LMX1A: variants seen among roughly 807,000 people sequenced by gnomAD.
LMX1A encodes LIM homeobox transcription factor 1-alpha.
A neutral mutation model predicts 49.1 loss-of-function variants in LMX1A; 15 were observed. The observed-to-expected ratio is 0.31, with a 90% CI of 0.20 to 0.47. The LOEUF is 0.47. Among genes scored for constraint, LMX1A ranks in the 20% least tolerant of loss-of-function variants. The pLI, the probability that LMX1A is intolerant of heterozygous loss-of-function variation, is 1.00. For missense variants in LMX1A, 372 were observed against 475.8 expected (o/e 0.78, Z 2.03); for synonymous variants, 167 against 185.7 (o/e 0.90, Z 0.82).
At position 165,203,923 on chromosome 1, in the gene LMX1A, A is replaced by G. The variant is rs763320093; in HGVS notation, c.1106T>C (p.Ile369Thr). The G allele has an allele frequency of 1.2e-5, 19 of 1,614,046 alleles. No individual in the cohort carries two copies. The highest frequency in any genetic ancestry group is 1.4e-5 in the Non-Finnish European group (17 of 1,180,032). ...ATTCTGCATGGAGTACAGATGGTCA[A>G]TGGGGTTTCCCACTCTGGACTGCAG... ...GPLQSRVGNP[I>T]DHLYSMQNSY... The change falls in exon 9 of 9, where the codon ATT becomes ACT. Residue 369 changes from isoleucine to threonine, a missense_variant. Physicochemically the swap from Ile to Thr is moderately conservative, Grantham distance 89. Coordinates refer to ENST00000342310, the MANE Select transcript of LMX1A (RefSeq NM_177398.4).
chr1:165,286,034 G>A (rs893945693), intron 3 of LMX1A, among the ~76,000 whole-genome samples: 18 of 152,214 alleles, frequency 1.2e-4, no homozygotes, highest in African/African-American at 4.3e-4. Flanking sequence ...CCCCTGAGTG[G>A]TTGCTGTACA....
At chr1:165,246,857 G>T (rs542642081) in intron 4 of LMX1A, among the ~76,000 whole-genome samples, 88 of 152,182 alleles carry the variant, frequency 5.8e-4, no homozygotes, top group African/African-American at 2.0e-3. Context: ...AAGCACTCAA[G>T]ATATGTCAAC....
chr1:165,230,197 G>T (rs1223071635), intron 4 of LMX1A, among the ~76,000 whole-genome samples: 1 of 152,208 alleles, frequency 6.6e-6, no homozygotes, highest in Non-Finnish European at 1.5e-5. Context: ...ATAAATTTCA[G>T]TTGTTTATAA....
At chr1:165,275,951 G>T (rs1169354646) in intron 3 of LMX1A, among the ~76,000 whole-genome samples, 1 of 151,496 alleles carries the variant, frequency 6.6e-6, no homozygotes, top group Non-Finnish European at 1.5e-5. Context: ...CTGGGGCTAG[G>T]CAAGGAGATG....
intron 5 of LMX1A, 62 bp downstream of exon 5, chr1:165,213,579 G>A: frequency 6.9e-7 from 1 of 1,442,780 alleles, no homozygotes; most frequent in Non-Finnish European, 9.5e-7. Flanking sequence ...GATCCCAGAG[G>A]GGTCTGAGTG....
intron 4 of LMX1A, among the ~76,000 whole-genome samples, chr1:165,233,007 T>C (rs1419529896): frequency 6.6e-6 from 1 of 152,184 alleles, no homozygotes; most frequent in East Asian, 1.9e-4. Context: ...TACTTATGTA[T>C]ATAATGAATT....
intron 3 of LMX1A, among the ~76,000 whole-genome samples, chr1:165,268,851 A>G (rs746022835): frequency 1.5e-4 from 23 of 152,252 alleles, no homozygotes; most frequent in Admixed American, 5.2e-4. Context: ...TGTGCTTCAC[A>G]TTGTTATGAA....
At chr1:165,281,746 A>ATGTGTG (rs56913866) in intron 3 of LMX1A, among the ~76,000 whole-genome samples, 4,692 of 125,914 alleles carry the variant, frequency 0.037, 85 homozygotes, top group African/African-American at 0.061. Context: ...GTGTGTGTGT[A>ATGTGTG]TGTGTGTGTG....
At chr1:165,234,153 C>T (rs907324385) in intron 4 of LMX1A, among the ~76,000 whole-genome samples, 1 of 152,206 alleles carries the variant, frequency 6.6e-6, no homozygotes, top group African/African-American at 2.4e-5. Context: ...TACTCTCACT[C>T]ACACCAGGAT....
chr1:165,223,810 A>T (rs1571158678), intron 4 of LMX1A, among the ~76,000 whole-genome samples: 2 of 55,456 alleles, frequency 3.6e-5, no homozygotes, highest in Admixed American at 1.5e-4. Context: ...TACAAACTTT[A>T]AAAAAAAAAA....
At chr1:165,288,693 T>C (rs935194541) in intron 3 of LMX1A, among the ~76,000 whole-genome samples, 1 of 152,230 alleles carries the variant, frequency 6.6e-6, no homozygotes, top group Admixed American at 6.5e-5. Flanking sequence ...ACACCGTGTG[T>C]GTGTGCGTGT....
intron 3 of LMX1A, among the ~76,000 whole-genome samples, chr1:165,350,515 A>AC (rs1476334295): frequency 2.7e-5 from 4 of 150,796 alleles, no homozygotes; most frequent in Non-Finnish European, 5.9e-5. Context: ...AGCTTACTGA[A>AC]TAAAGAAGTT....
chr1:165,243,170 C>G (rs1430267167), intron 4 of LMX1A, among the ~76,000 whole-genome samples: 1 of 152,062 alleles, frequency 6.6e-6, no homozygotes, highest in Non-Finnish European at 1.5e-5. Flanking sequence ...AAACTTCTGT[C>G]CTATTTTGCA....
intron 3 of LMX1A, among the ~76,000 whole-genome samples, chr1:165,273,388 C>T (rs1653864485): frequency 6.6e-6 from 1 of 152,170 alleles, no homozygotes; most frequent in Non-Finnish European, 1.5e-5. Flanking sequence ...TCCCAAGACA[C>T]ACAATCTGCA....
Position 165,226,735 on chromosome 1 carries a change from G to C in LMX1A, c.497-12922C>G, listed in dbSNP as rs11803742. 8.1e-3 allele frequency among the ~76,000 whole-genome samples: 1,235 copies of C among 152,322 alleles called. 12 individuals are homozygous for C. The highest frequency in any genetic ancestry group is 0.014 in the Non-Finnish European group (925 of 68,016). ...CTCTATATAAGGGATGTGCATCTGA[G>C]AAGTTGTACATAGACCAAACTTCTG... On this transcript the variant is annotated intron_variant, in intron 4 of 8. Coordinates refer to ENST00000342310, the MANE Select transcript of LMX1A (RefSeq NM_177398.4).
chr1:165,234,575 G>A (rs1427357703), intron 4 of LMX1A, among the ~76,000 whole-genome samples: 1 of 152,160 alleles, frequency 6.6e-6, no homozygotes, highest in African/African-American at 2.4e-5. Flanking sequence ...GAGTCTGACA[G>A]ATATAGACGG....
intron 4 of LMX1A, among the ~76,000 whole-genome samples, chr1:165,223,385 A>G (rs548461292): frequency 6.6e-6 from 1 of 152,246 alleles, no homozygotes; most frequent in Admixed American, 6.5e-5. Flanking sequence ...TCATTCAACA[A>G]CTCCAGCTTC....
intron 3 of LMX1A, among the ~76,000 whole-genome samples, chr1:165,309,642 C>T (rs1466464994): frequency 1.3e-5 from 2 of 152,180 alleles, no homozygotes; most frequent in African/African-American, 4.8e-5. Flanking sequence ...ACATGGCTCT[C>T]GGCAGCCTCT....
intron 3 of LMX1A, among the ~76,000 whole-genome samples, chr1:165,326,299 G>A (rs1655578626): frequency 6.6e-6 from 1 of 152,184 alleles, no homozygotes; most frequent in Admixed American, 6.5e-5. Flanking sequence ...CTGAGGATCA[G>A]TACTTCCCTG....
Sources: allele counts gnomAD v4.1 joint callset (sites outside exome capture counted in the v4.1 genomes callset), GRCh38; gene constraint gnomAD v4.1.1; transcripts MANE v1.5; gene names NCBI Gene and HGNC (gene_info 2026-07-23, HGNC 2026-07-21).